TMEM163: variants seen among roughly 807,000 people sequenced by gnomAD.
The protein encoded by TMEM163 is transmembrane protein 163.
Under a neutral mutation model 29.3 loss-of-function variants are expected in TMEM163, and 17 were observed. The observed-to-expected ratio is 0.58, with a 90% CI of 0.40 to 0.87. The LOEUF (loss-of-function observed/expected upper bound fraction) is 0.87. Among genes scored for constraint, TMEM163 ranks in the 40% least tolerant of loss-of-function variants. The pLI is 0.00. For missense variants in TMEM163, 303 were observed against 381.5 expected (o/e 0.79, Z 1.71); for synonymous variants, 157 against 160.6 (o/e 0.98, Z 0.17).
At chr2:134,478,162 G>A (rs1490626091) in intron 5 of TMEM163, among the ~76,000 whole-genome samples, 3 of 152,138 alleles carry the variant, frequency 2.0e-5, no homozygotes, top group Non-Finnish European at 2.9e-5. Flanking sequence ...CTCACTAGAA[G>A]TCCAGCAGAT....
At chr2:134,527,661 G>A (rs1006747447) in intron 4 of TMEM163, among the ~76,000 whole-genome samples, 4 of 152,178 alleles carry the variant, frequency 2.6e-5, no homozygotes, top group African/African-American at 9.7e-5. Flanking sequence ...GGAATGACTT[G>A]TCCTAGCCTT....
chr2:134,687,358 G>A (rs551810444), intron 2 of TMEM163, among the ~76,000 whole-genome samples: 1 of 152,274 alleles, frequency 6.6e-6, no homozygotes, highest in East Asian at 1.9e-4. Flanking sequence ...AGGACCCACA[G>A]GGATCTGTTT....
chr2:134,591,255 C>A (rs1681928515), intron 2 of TMEM163, among the ~76,000 whole-genome samples: 1 of 152,188 alleles, frequency 6.6e-6, no homozygotes, highest in Admixed American at 6.5e-5. Context: ...CCCTTTGTGT[C>A]CATGCTCCTT....
At chr2:134,600,381 T>G (rs1221494378) in intron 2 of TMEM163, among the ~76,000 whole-genome samples, 1 of 152,220 alleles carries the variant, frequency 6.6e-6, no homozygotes, top group Non-Finnish European at 1.5e-5. Flanking sequence ...GAAGGGAATC[T>G]AATACCTGAG....
At chr2:134,675,034 T>C (rs1056025694) in intron 2 of TMEM163, among the ~76,000 whole-genome samples, 3 of 152,236 alleles carry the variant, frequency 2.0e-5, no homozygotes, top group Non-Finnish European at 4.4e-5. Flanking sequence ...TCCGAGTAAA[T>C]ATCTTTTTCA....
At chr2:134,494,775 C>T (rs1679509448) in intron 5 of TMEM163, among the ~76,000 whole-genome samples, 1 of 152,132 alleles carries the variant, frequency 6.6e-6, no homozygotes, top group Admixed American at 6.5e-5. Context: ...ATTAAACAGC[C>T]AGTTAGAGCA....
At chr2:134,643,667 A>G (rs1683268183) in intron 2 of TMEM163, among the ~76,000 whole-genome samples, 1 of 152,004 alleles carries the variant, frequency 6.6e-6, no homozygotes, top group Admixed American at 6.5e-5. Context: ...TTCATGTTAA[A>G]AAAAAAACAA....
At position 134,651,407 on chromosome 2, in the gene TMEM163, T is replaced by C. The variant is rs1343359314; in HGVS notation, c.322+61793A>G. ...GATGGGGTTGTTTGTTTTTTTCTTG[T>C]AAATTTGTTTGAGTTCATTGTAGAT... On this transcript the variant is annotated intron_variant, in intron 2 of 7. Coordinates refer to ENST00000281924, the MANE Select transcript of TMEM163 (RefSeq NM_030923.5). Among the ~76,000 whole-genome samples the C allele has an allele frequency of 3.0e-5, 4 of 131,294 alleles. 1 individual carries two copies. The highest frequency in any genetic ancestry group is 1.5e-4 in the Admixed American group (2 of 13,364). The allele number at this position is 131,294 out of a possible 152,430, so 86.1% of individuals were successfully genotyped here. A position where few individuals can be genotyped will look rare whatever the true frequency, so the allele number is the denominator to read the frequency against.
intron 2 of TMEM163, among the ~76,000 whole-genome samples, chr2:134,706,773 G>T (rs1209605118): frequency 1.3e-5 from 2 of 152,168 alleles, no homozygotes; most frequent in Non-Finnish European, 1.5e-5. Flanking sequence ...GGGAGGAGGT[G>T]AGGCCAGCCA....
rs1259925172 is a variant in TMEM163, at chr2:134,596,189, C to T, written c.323-44098G>A. On this transcript the variant is annotated intron_variant, in intron 2 of 7. Transcript: ENST00000281924. Reference sequence around the variant, plus strand: ...GTTTTAGACATGAAGTCCTTGCCCACGCCTATGTCCTGAATGGTATTGCCT... The same window carrying T: ...GTTTTAGACATGAAGTCCTTGCCCATGCCTATGTCCTGAATGGTATTGCCT... 5.3e-5 allele frequency among the ~76,000 whole-genome samples: 8 copies of T among 152,166 alleles called. No homozygotes were observed. In the East Asian group the frequency reaches 5.8e-4, roughly 11 times the overall value.
At chr2:134,604,047 C>T (rs1399503324) in intron 2 of TMEM163, among the ~76,000 whole-genome samples, 1 of 152,120 alleles carries the variant, frequency 6.6e-6, no homozygotes, top group Non-Finnish European at 1.5e-5. Flanking sequence ...TTCACTTTCT[C>T]CTGGACTACT....
chr2:134,510,946 G>A (rs1679932759), intron 4 of TMEM163, among the ~76,000 whole-genome samples: 1 of 152,132 alleles, frequency 6.6e-6, no homozygotes, highest in African/African-American at 2.4e-5. Context: ...AATGTACACT[G>A]CACAGGGAAT....
At position 134,458,319 on chromosome 2, in the gene TMEM163, G is replaced by A. The variant is rs1476871567; in HGVS notation, c.668-146C>T. ...CTCACGAGTGATAGCCACCACCTGG[G>A]CCCATCAAGTCTCTGCTCAAATGTC... On this transcript the variant is annotated intron_variant, in intron 6 of 7. Coordinates refer to ENST00000281924, the MANE Select transcript of TMEM163 (RefSeq NM_030923.5). 9.9e-6 allele frequency: 9 copies of A among 905,978 alleles called. No homozygotes were observed. In the African/African-American group the frequency reaches 1.3e-4, roughly 13 times the overall value. The allele number at this position is 905,978 out of a possible 1,614,324, so 56.1% of individuals were successfully genotyped here. A position where few individuals can be genotyped will look rare whatever the true frequency, so the allele number is the denominator to read the frequency against.
chr2:134,654,050 T>C lies in TMEM163; in HGVS notation c.322+59150A>G, dbSNP rs1219135615. Reference sequence around the variant, plus strand: ...TGATTTGGGGTGGAGAGTTCTGTAGTTGTCTATTAGGCCCACTTGGTGCAG... The same window carrying C: ...TGATTTGGGGTGGAGAGTTCTGTAGCTGTCTATTAGGCCCACTTGGTGCAG... On this transcript the variant is annotated intron_variant, in intron 2 of 7. Transcript: ENST00000281924. 4.8e-5 allele frequency among the ~76,000 whole-genome samples: 4 copies of C among 83,602 alleles called. 1 individual carries two copies. Among genetic ancestry groups the C allele is most frequent in the African/African-American group, 2.3e-4 (4 of 17,264 alleles). 54.8% of individuals were successfully genotyped at this position (83,602 alleles called of 152,430 possible).
chr2:134,583,941 A>T (rs1488446292), intron 2 of TMEM163, among the ~76,000 whole-genome samples: 1 of 152,120 alleles, frequency 6.6e-6, no homozygotes, highest in Non-Finnish European at 1.5e-5. Flanking sequence ...TCTCCATAGC[A>T]TCCCTCACAA....
At chr2:134,485,602 CG>C (rs1378868269) in intron 5 of TMEM163, among the ~76,000 whole-genome samples, 1 of 152,138 alleles carries the variant, frequency 6.6e-6, no homozygotes, top group Admixed American at 6.5e-5. Context: ...CGGGAAACCT[CG>C]TTCTGTTCTT....
At chr2:134,718,556 C>G (rs1438277459) in intron 1 of TMEM163, among the ~76,000 whole-genome samples, 178 bp downstream of exon 1, 2 of 152,168 alleles carry the variant, frequency 1.3e-5, no homozygotes, top group Non-Finnish European at 2.9e-5. Context: ...GAGGCGGTGC[C>G]GGCCGCAGAA....
chr2:134,552,689 T>C (rs1163005103), intron 2 of TMEM163, among the ~76,000 whole-genome samples: 1 of 137,848 alleles, frequency 7.3e-6, no homozygotes, highest in Admixed American at 7.9e-5. Context: ...TGAGACAGAG[T>C]CTTGCTGTGT....
intron 4 of TMEM163, among the ~76,000 whole-genome samples, chr2:134,507,082 A>G (rs1679840939): frequency 6.6e-6 from 1 of 152,140 alleles, no homozygotes; most frequent in Admixed American, 6.5e-5. Context: ...CACGCCTGTA[A>G]TCCCAGGACT....
Sources: gnomAD v4.1 joint callset for allele counts (sites outside exome capture counted in the v4.1 genomes callset) on GRCh38, gnomAD v4.1.1 for gene constraint, MANE v1.5 for transcripts, NCBI Gene and HGNC (gene_info 2026-07-23, HGNC 2026-07-21) for gene names.